The following MYT1L variants were observed in gnomAD, a reference collection of about 807,000 sequenced individuals.
The protein encoded by MYT1L is myelin transcription factor 1-like protein.
MYT1L carries 12 observed loss-of-function variants against 126.7 expected under a neutral mutation model. That is an observed-to-expected ratio of 0.09 (90% CI 0.06 to 0.15). The LOEUF is 0.15. MYT1L is among the 10% of genes least tolerant of loss of function. The pLI, the probability that MYT1L is intolerant of heterozygous loss-of-function variation, is 1.00. For missense variants in MYT1L, 979 were observed against 1,585.2 expected (o/e 0.62, Z 6.49); for synonymous variants, 541 against 604.2 (o/e 0.90, Z 1.53).
At chr2:2,006,556 C>A (rs1010686273) in intron 4 of MYT1L, among the ~76,000 whole-genome samples, 1 of 152,016 alleles carries the variant, frequency 6.6e-6, no homozygotes, top group Non-Finnish European at 1.5e-5. Context: ...CTCTCACCTA[C>A]GTGTATTTGA....
At chr2:1,969,305 G>T (rs760639632) in intron 8 of MYT1L, among the ~76,000 whole-genome samples, 2 of 152,212 alleles carry the variant, frequency 1.3e-5, no homozygotes, top group African/African-American at 4.8e-5. Flanking sequence ...AATGCGTGCT[G>T]GTCTTCAGAT....
chr2:2,129,041 T>G (rs1231034037), intron 3 of MYT1L, among the ~76,000 whole-genome samples: 1 of 152,170 alleles, frequency 6.6e-6, no homozygotes, highest in Non-Finnish European at 1.5e-5. Context: ...CATACCAAAA[T>G]TAATGGCTTT....
rs60097498 is a variant in MYT1L, at chr2:2,274,307, A to G, written c.-421+10097T>C. 4.4e-3 allele frequency among the ~76,000 whole-genome samples: 659 copies of G among 149,030 alleles called. 2 individuals carry two copies. The highest frequency in any genetic ancestry group is 0.015 in the African/African-American group (626 of 40,816). ...GGAAACTTTTAAAAAGAAAGGAAAG[A>G]AGGAAGGAAAAAAGGAAGGAAGGAA... On this transcript the variant is annotated intron_variant, in intron 2 of 24. Coordinates refer to ENST00000647738, the MANE Select transcript of MYT1L (RefSeq NM_001303052.2).
At chr2:1,935,461 C>T (rs1001761977) in intron 9 of MYT1L, among the ~76,000 whole-genome samples, 5 of 152,170 alleles carry the variant, frequency 3.3e-5, no homozygotes, top group Non-Finnish European at 7.3e-5. Context: ...TACAGAAGAG[C>T]ATGAATAAAT....
chr2:1,865,764 A>G (rs1207555897), intron 18 of MYT1L, among the ~76,000 whole-genome samples: 2 of 152,094 alleles, frequency 1.3e-5, no homozygotes, highest in African/African-American at 2.4e-5. Context: ...CACTTAGTAC[A>G]TGCTCAGTAC....
intron 9 of MYT1L, among the ~76,000 whole-genome samples, chr2:1,936,774 G>A (rs1286045930): frequency 6.6e-6 from 1 of 152,084 alleles, no homozygotes; most frequent in Non-Finnish European, 1.5e-5. Context: ...TGTCCTGCAG[G>A]GAAGCTGGGG....
intron 2 of MYT1L, among the ~76,000 whole-genome samples, chr2:2,271,112 G>A (rs114825927): frequency 2.5e-4 from 38 of 152,314 alleles, no homozygotes; most frequent in Non-Finnish European, 5.3e-4. Flanking sequence ...CGTCTGCAGT[G>A]AAGGGTTCTG....
chr2:1,905,163 C>G (rs1481751466), intron 13 of MYT1L, among the ~76,000 whole-genome samples: 1 of 152,090 alleles, frequency 6.6e-6, no homozygotes, highest in Non-Finnish European at 1.5e-5. Context: ...GACCTTTTCA[C>G]ATCAGCATCA....
chr2:1,979,326 G>A lies in MYT1L; in HGVS notation c.90-99C>T. 8.3e-7 allele frequency: 1 copy of A among 1,200,834 alleles called. No individual in the cohort carries two copies. The highest frequency in any genetic ancestry group is 1.2e-6 in the Non-Finnish European group (1 of 822,838). 74.4% of individuals were successfully genotyped at this position (1,200,834 alleles called of 1,614,324 possible). A position where few individuals can be genotyped will look rare whatever the true frequency, so the allele number is the denominator to read the frequency against. On this transcript the variant is annotated intron_variant, in intron 7 of 24. Transcript: ENST00000647738. The surrounding 1 kb of genome is among the most constrained non-coding windows in gnomAD (Gnocchi z 4.0). The stretch of plus-strand genomic sequence containing the variant: ...GAGAAGGAGGGCGGCTCAGACAGAG[G>A]AGAGAAATCACACAATCCAAAGGAG...
At chr2:1,963,238 T>A (rs1239890514) in intron 8 of MYT1L, among the ~76,000 whole-genome samples, 1 of 152,162 alleles carries the variant, frequency 6.6e-6, no homozygotes, top group Non-Finnish European at 1.5e-5. Context: ...GAAAGAAAAT[T>A]TTTTTTCCCC....
chr2:1,879,823 A>AGAT (rs142070460), intron 18 of MYT1L, among the ~76,000 whole-genome samples: 3,762 of 152,304 alleles, frequency 0.025, 80 homozygotes, highest in African/African-American at 0.051. Flanking sequence ...AGGTTGTATA[A>AGAT]GATGCATTAT....
chr2:2,257,475 G>A (rs1351092289), intron 2 of MYT1L, among the ~76,000 whole-genome samples: 2 of 152,172 alleles, frequency 1.3e-5, no homozygotes, highest in African/African-American at 2.4e-5. Context: ...CAAGGATGAG[G>A]AGAGATGCCA....
At chr2:2,187,708 T>C (rs1266579487) in intron 2 of MYT1L, among the ~76,000 whole-genome samples, 1 of 152,128 alleles carries the variant, frequency 6.6e-6, no homozygotes. Flanking sequence ...AACACAGGTA[T>C]ACCTACTTCA....
chr2:2,200,155 G>T (rs916623289), intron 2 of MYT1L, among the ~76,000 whole-genome samples: 1 of 152,136 alleles, frequency 6.6e-6, no homozygotes, highest in Non-Finnish European at 1.5e-5. Context: ...TAGGCTGCTC[G>T]AGAGGTCCAT....
At chr2:1,837,365 C>T (rs2041051634) in intron 21 of MYT1L, among the ~76,000 whole-genome samples, 1 of 152,202 alleles carries the variant, frequency 6.6e-6, no homozygotes, top group Non-Finnish European at 1.5e-5. Flanking sequence ...GTTAGCGAAA[C>T]ATACAAACCC....
At chr2:2,029,041 C>T (rs2065935263) in intron 4 of MYT1L, among the ~76,000 whole-genome samples, 1 of 152,170 alleles carries the variant, frequency 6.6e-6, no homozygotes, top group Non-Finnish European at 1.5e-5. Flanking sequence ...TTCTTTTAAA[C>T]TCAAGTATTA....
intron 8 of MYT1L, among the ~76,000 whole-genome samples, chr2:1,972,918 G>C (rs2059914281): frequency 6.6e-6 from 1 of 152,224 alleles, no homozygotes; most frequent in Non-Finnish European, 1.5e-5. Flanking sequence ...GGAAGGATTT[G>C]AATGTACTAC....
chr2:2,005,002 G>A (rs1341276047), intron 4 of MYT1L, among the ~76,000 whole-genome samples: 1 of 146,392 alleles, frequency 6.8e-6, no homozygotes, highest in Non-Finnish European at 1.5e-5. Context: ...GTTCTTTCCT[G>A]CATGCCTTCT....
Position 1,927,964 on chromosome 2 carries a change from G to C in MYT1L, c.506-4701C>G, listed in dbSNP as rs530166611. On this transcript the variant is annotated intron_variant, in intron 9 of 24. Coordinates refer to ENST00000647738, the MANE Select transcript of MYT1L (RefSeq NM_001303052.2). ...ATAAACCATCTATATATTTCTTTTT[G>C]TTTGTTTGAGACAGGGTCTGGCTCT... Among the ~76,000 whole-genome samples, 3 of 152,216 alleles carry C rather than the reference G, an allele frequency of 2.0e-5. No homozygotes were observed. In the South Asian group the frequency reaches 6.2e-4, roughly 32 times the overall value.
Sources: allele counts gnomAD v4.1 joint callset (sites outside exome capture counted in the v4.1 genomes callset), GRCh38; gene constraint gnomAD v4.1.1; non-coding constraint Gnocchi (gnomAD v3.1); transcripts MANE v1.5; gene names NCBI Gene and HGNC (gene_info 2026-07-23, HGNC 2026-07-21).